The following SSBP3 variants were observed in gnomAD, a reference collection of about 807,000 sequenced individuals.
SSBP3 encodes the protein single-stranded DNA-binding protein 3.
A neutral mutation model predicts 69.6 loss-of-function variants in SSBP3; 5 were observed. The observed-to-expected ratio is 0.07, with a 90% confidence interval of 0.04 to 0.15. SSBP3 has a LOEUF of 0.15. Ranked by LOEUF, SSBP3 falls within the 10% of genes least tolerant of loss-of-function variation. The pLI, the probability that SSBP3 is intolerant of heterozygous loss-of-function variation, is 1.00. For synonymous variants in SSBP3, 196 were observed against 193.4 expected, an observed-to-expected ratio of 1.01 and a Z score of -0.11; for missense variants, 312 against 534.0, an observed-to-expected ratio of 0.58 and a Z score of 4.10.
chr1:54,296,495 A>G (rs1407455483), intron 4 of SSBP3, among the ~76,000 whole-genome samples: 3 of 152,210 alleles, frequency 2.0e-5, no homozygotes, highest in African/African-American at 7.2e-5. Context: ...GTAACTTTGA[A>G]TCTACAACAT....
At chr1:54,323,419 C>G (rs1420142224) in intron 4 of SSBP3, among the ~76,000 whole-genome samples, 1 of 152,194 alleles carries the variant, frequency 6.6e-6, no homozygotes, top group Non-Finnish European at 1.5e-5. Flanking sequence ...CCCTGGAAAC[C>G]AGTTCCTCCA....
chr1:54,384,105 C>CAAAAA (rs34137070), intron 4 of SSBP3, among the ~76,000 whole-genome samples: 57 of 94,112 alleles, frequency 6.1e-4, no homozygotes, highest in African/African-American at 1.7e-3. Flanking sequence ...GACTCCATCT[C>CAAAAA]AAAAAAAAAA....
chr1:54,288,384 G>A (rs922758965), intron 4 of SSBP3, among the ~76,000 whole-genome samples: 5 of 152,132 alleles, frequency 3.3e-5, no homozygotes, highest in African/African-American at 9.7e-5. Flanking sequence ...TTCAGCAAGC[G>A]ACCTGAAAAG....
chr1:54,339,557 A>G (rs1646569923), intron 4 of SSBP3, among the ~76,000 whole-genome samples: 1 of 151,994 alleles, frequency 6.6e-6, no homozygotes, highest in South Asian at 2.1e-4. Context: ...GCCCTAGCAC[A>G]TAGTAACCAC....
At chr1:54,262,845 G>A (rs61776475) in intron 5 of SSBP3, among the ~76,000 whole-genome samples, 1 of 152,186 alleles carries the variant, frequency 6.6e-6, no homozygotes, top group Non-Finnish European at 1.5e-5. Context: ...ACCTCAACAT[G>A]GGGGAAAATC....
intron 4 of SSBP3, among the ~76,000 whole-genome samples, chr1:54,386,682 A>ATTTTTTTTTTTTT (rs1648104342): frequency 1.8e-5 from 1 of 55,052 alleles, no homozygotes; most frequent in African/African-American, 1.4e-4. Flanking sequence ...AACTGATCCT[A>ATTTTTTTTTTTTT]CTTTTTTTTT....
rs72912133 is a variant in SSBP3 at position 54,352,648 on chromosome 1, T to C, written c.276+49213A>G. ...ATCTCATGAGCCTCACCTTGCAGGATGTGCAGCAGGAAGAAGCTGCGTCTT... is the reference window on the plus strand; with the variant it reads ...ATCTCATGAGCCTCACCTTGCAGGACGTGCAGCAGGAAGAAGCTGCGTCTT... On this transcript the variant is annotated intron_variant, in intron 4 of 17. Transcript: ENST00000610401. Among the ~76,000 whole-genome samples, 885 of 152,324 alleles carry C rather than the reference T, an allele frequency of 5.8e-3. 15 individuals are homozygous for C. The highest frequency in any genetic ancestry group is 0.02 in the African/African-American group (851 of 41,574).
In SSBP3 at chr1:54,316,648, AAAAAAAAAAAAT is replaced by A. The variant is rs1436790803; in HGVS notation, c.277-35133_277-35122del. 4.2e-4 allele frequency among the ~76,000 whole-genome samples: 18 copies of A among 42,834 alleles called. 1 individual carries two copies. The African/African-American group carries it at 4.9e-3, about 12-fold the overall frequency. The allele number at this position is 42,834 out of a possible 152,430, so 28.1% of individuals were successfully genotyped here. ...GGGCGACAGAGCGAGACTCCGTCTCAAAAAAAAAAAATAAAATAAATAAATAAATAAATAAAT... is the reference window on the plus strand; with the variant it reads ...GGGCGACAGAGCGAGACTCCGTCTCAAAAATAAATAAATAAATAAATAAAT... On this transcript the variant is annotated intron_variant, in intron 4 of 17. Transcript: ENST00000610401.
intron 14 of SSBP3, among the ~76,000 whole-genome samples, chr1:54,229,192 C>T (rs1315016545): frequency 6.6e-6 from 1 of 152,198 alleles, no homozygotes; most frequent in South Asian, 2.1e-4. Context: ...GACAGCTCTC[C>T]GACCATGTCA....
intron 9 of SSBP3, among the ~76,000 whole-genome samples, chr1:54,249,433 G>T (rs756765357): frequency 6.6e-6 from 1 of 152,168 alleles, no homozygotes; most frequent in African/African-American, 2.4e-5. Context: ...GGTGGCTCAC[G>T]CCTATAATCC....
At chr1:54,406,056 G>GCCGCCGCCA in exon 1 of SSBP3, 1 of 1,384,596 alleles carries the variant, frequency 7.2e-7, no homozygotes, top group South Asian at 1.4e-5. Context: ...CGCCGCCGCC[G>GCCGCCGCCA]CCGCTACCGC....
intron 5 of SSBP3, among the ~76,000 whole-genome samples, chr1:54,280,698 G>A (rs1002251790): frequency 2.6e-5 from 4 of 152,170 alleles, no homozygotes; most frequent in African/African-American, 7.2e-5. Flanking sequence ...CACATGAACC[G>A]CCGAGGAGAA....
intron 5 of SSBP3, among the ~76,000 whole-genome samples, chr1:54,268,258 T>A (rs1645135427): frequency 6.6e-6 from 1 of 152,262 alleles, no homozygotes; most frequent in African/African-American, 2.4e-5. Context: ...CCTTCAGCTC[T>A]GAAAATGGAT....
At chr1:54,283,415 G>A (rs1388080928) in intron 4 of SSBP3, among the ~76,000 whole-genome samples, 1 of 152,180 alleles carries the variant, frequency 6.6e-6, no homozygotes, top group Non-Finnish European at 1.5e-5. Flanking sequence ...CTGGTTTTCA[G>A]CACTGTCACC....
In SSBP3 at chr1:54,291,546, C is replaced by T. The variant is rs538307381; in HGVS notation, c.277-10019G>A. Among the ~76,000 whole-genome samples the T allele has an allele frequency of 6.6e-5, 10 of 152,312 alleles. No individual in the cohort carries two copies. The Middle Eastern group carries it at 0.01, about 155-fold the overall frequency. On this transcript the variant is annotated intron_variant, in intron 4 of 17. Transcript: ENST00000610401. Reference sequence around the variant, plus strand: ...AAGCCTTTAAAGCATGCACTAATTGCGCTAATTTAGCTAACAGTCTCTGTT... The same window carrying T: ...AAGCCTTTAAAGCATGCACTAATTGTGCTAATTTAGCTAACAGTCTCTGTT...
At chr1:54,237,223 CT>C (rs1644510483) in intron 14 of SSBP3, 1 of 152,222 alleles carries the variant, frequency 6.6e-6, no homozygotes, top group South Asian at 2.1e-4. Context: ...GTCAGCACTA[CT>C]GTAAAGGGGC....
intron 9 of SSBP3, among the ~76,000 whole-genome samples, chr1:54,250,062 A>C (rs623655): frequency 0.63 from 95,648 of 152,144 alleles, 30,630 homozygotes; most frequent in South Asian, 0.75. Flanking sequence ...TATCTGACTC[A>C]GGAGAGGGGA....
At position 54,251,873 on chromosome 1, in the gene SSBP3, C is replaced by T. The variant is rs1405602055; in HGVS notation, c.508-13G>A. On this transcript the variant is annotated splice_polypyrimidine_tract_variant and intron_variant, in intron 7 of 17. Transcript: ENST00000610401. ...CTCCTCCCGGAGGCTGAAAGAGATG[C>T]AAGACACAAGCTGAGGAGCTGCTCC... is the stretch of plus-strand genomic sequence containing the variant. 3 of 1,609,964 alleles carry T rather than the reference C, an allele frequency of 1.9e-6. No individual in the cohort carries two copies. The highest frequency in any genetic ancestry group is 2.7e-5 in the African/African-American group (2 of 74,832).
At chr1:54,302,090 G>T (rs79477264) in intron 4 of SSBP3, among the ~76,000 whole-genome samples, 3,538 of 152,308 alleles carry the variant, frequency 0.023, 128 homozygotes, top group African/African-American at 0.077. Context: ...CCTGGTGCCT[G>T]CCACTCCCAC....
Sources: gnomAD v4.1 joint callset for allele counts (sites outside exome capture counted in the v4.1 genomes callset) on GRCh38, gnomAD v4.1.1 for gene constraint, MANE v1.5 for transcripts, NCBI Gene and HGNC (gene_info 2026-07-23, HGNC 2026-07-21) for gene names.